The following PDGFD variants were observed in gnomAD, a reference collection of about 807,000 sequenced individuals.
PDGFD encodes the protein platelet derived growth factor D.
PDGFD carries 30 observed loss-of-function variants against 44.7 expected under a neutral mutation model. That is an observed-to-expected ratio of 0.67 (90% CI 0.50 to 0.91). The LOEUF is 0.91. Ranked by LOEUF, PDGFD falls within the 40% of genes least tolerant of loss-of-function variation. The pLI, the probability that PDGFD is intolerant of heterozygous loss-of-function variation, is 0.00. For synonymous variants in PDGFD, 173 were observed against 168.4 expected, an observed-to-expected ratio of 1.03 and a Z score of -0.21; for missense variants, 445 against 457.8, an observed-to-expected ratio of 0.97 and a Z score of 0.25.
At chr11:104,109,103 T>C (rs1484194662) in intron 1 of PDGFD, among the ~76,000 whole-genome samples, 2 of 151,258 alleles carry the variant, frequency 1.3e-5, no homozygotes, top group Non-Finnish European at 2.9e-5. Flanking sequence ...CTAATGTAAA[T>C]GATGAATTAA....
intron 4 of PDGFD, among the ~76,000 whole-genome samples, chr11:103,946,178 AC>A (rs1468299124): frequency 6.6e-6 from 1 of 152,228 alleles, no homozygotes; most frequent in African/African-American, 2.4e-5. Flanking sequence ...GAAATGCAAA[AC>A]CACTTTCAAC....
intron 3 of PDGFD, among the ~76,000 whole-genome samples, chr11:103,982,352 A>G (rs1391339136): frequency 6.6e-6 from 1 of 151,806 alleles, no homozygotes; most frequent in Non-Finnish European, 1.5e-5. Flanking sequence ...AAATATTTTG[A>G]GGCCTGCTGA....
intron 1 of PDGFD, among the ~76,000 whole-genome samples, chr11:104,047,101 T>C (rs1484780167): frequency 6.8e-6 from 1 of 147,368 alleles, no homozygotes; most frequent in East Asian, 2.0e-4. Flanking sequence ...TAGTATTCCA[T>C]GGTATATGTT....
At chr11:104,107,017 T>A (rs987893888) in intron 1 of PDGFD, among the ~76,000 whole-genome samples, 5 of 152,144 alleles carry the variant, frequency 3.3e-5, no homozygotes, top group African/African-American at 1.2e-4. Context: ...AGTGCTGGGA[T>A]TAGAGGCGTG....
chr11:104,162,421 A>C (rs922626166), intron 1 of PDGFD, among the ~76,000 whole-genome samples: 2 of 125,676 alleles, frequency 1.6e-5, no homozygotes, highest in African/African-American at 5.8e-5. Context: ...ACAAAAAACC[A>C]CACAGTTTGG....
At chr11:104,109,892 T>G (rs998125316) in intron 1 of PDGFD, among the ~76,000 whole-genome samples, 1 of 152,166 alleles carries the variant, frequency 6.6e-6, no homozygotes, top group Non-Finnish European at 1.5e-5. Context: ...CTGTGCTCAG[T>G]GCACCTCTCA....
rs377231376 is a variant in PDGFD, at chr11:103,939,567, C to T, written c.772+3885G>A. 2.1e-4 allele frequency among the ~76,000 whole-genome samples: 32 copies of T among 152,108 alleles called. 1 individual carries two copies. In the South Asian group the frequency reaches 6.2e-3, roughly 30 times the overall value. ...TTTATTTCCTTCTCCTGCCTGATTGCCCTGGAGGCATATGTTTTCAATGAA... is the reference window on the plus strand; with the variant it reads ...TTTATTTCCTTCTCCTGCCTGATTGTCCTGGAGGCATATGTTTTCAATGAA... On this transcript the variant is annotated intron_variant, in intron 5 of 6. Transcript: ENST00000393158.
chr11:103,946,041 T>G lies in PDGFD; in HGVS notation c.573+1621A>C, dbSNP rs76406663. Reference sequence around the variant, plus strand: ...TTTTTGAGAAAAAGAACTAATTTAATGTGTCTCCTTCAGCTGAACAGTAAA... The same window carrying G: ...TTTTTGAGAAAAAGAACTAATTTAAGGTGTCTCCTTCAGCTGAACAGTAAA... On this transcript the variant is annotated intron_variant, in intron 4 of 6. Coordinates refer to ENST00000393158, the MANE Select transcript of PDGFD (RefSeq NM_025208.5). The G allele has an allele frequency of 4.6e-5, 7 of 152,348 alleles. No homozygotes were observed. The East Asian group carries it at 1.3e-3, about 29-fold the overall frequency. The allele number at this position is 152,348 out of a possible 1,614,324, so 9.4% of individuals were successfully genotyped here. A position where few individuals can be genotyped will look rare whatever the true frequency, so the allele number is the denominator to read the frequency against.
chr11:104,074,440 T>C (rs2134423471), intron 1 of PDGFD, among the ~76,000 whole-genome samples: 1 of 152,330 alleles, frequency 6.6e-6, no homozygotes, highest in Non-Finnish European at 1.5e-5. Flanking sequence ...ATATCTAAAA[T>C]GTTGTGCTAT....
At chr11:103,977,331 A>G (rs896084419) in intron 3 of PDGFD, among the ~76,000 whole-genome samples, 1 of 152,160 alleles carries the variant, frequency 6.6e-6, no homozygotes, top group Non-Finnish European at 1.5e-5. Context: ...ACTCCTCCCT[A>G]ACTCATTTTA....
chr11:104,137,320 C>T (rs1471114488), intron 1 of PDGFD, among the ~76,000 whole-genome samples: 2 of 151,854 alleles, frequency 1.3e-5, no homozygotes, highest in Middle Eastern at 3.4e-3. Context: ...CTTGCTCTTC[C>T]GGAGCTTATC....
chr11:104,031,369 G>A (rs1208593135), intron 1 of PDGFD, among the ~76,000 whole-genome samples: 1 of 152,000 alleles, frequency 6.6e-6, no homozygotes, highest in Non-Finnish European at 1.5e-5. Flanking sequence ...ATATGCATGC[G>A]ACCAAAAAAC....
intron 5 of PDGFD, among the ~76,000 whole-genome samples, chr11:103,931,936 C>T (rs1865064633): frequency 6.6e-6 from 1 of 152,126 alleles, no homozygotes; most frequent in South Asian, 2.1e-4. Context: ...AATGAGCACT[C>T]AAAGTAGGGC....
chr11:104,094,682 A>T (rs1404427728), intron 1 of PDGFD, among the ~76,000 whole-genome samples: 1 of 152,114 alleles, frequency 6.6e-6, no homozygotes, highest in Non-Finnish European at 1.5e-5. Flanking sequence ...AAACACACAT[A>T]GTCAGTTTTT....
intron 3 of PDGFD, among the ~76,000 whole-genome samples, chr11:103,969,471 C>T (rs1267264956): frequency 1.8e-5 from 2 of 110,708 alleles, no homozygotes; most frequent in Non-Finnish European, 3.6e-5. Flanking sequence ...TACACCAAGC[C>T]TGGTTTTTTT....
chr11:104,079,754 T>C (rs984213318), intron 1 of PDGFD, among the ~76,000 whole-genome samples: 2 of 151,604 alleles, frequency 1.3e-5, no homozygotes, highest in East Asian at 1.9e-4. Flanking sequence ...CCAATACATC[T>C]ATAGTGATAC....
intron 1 of PDGFD, among the ~76,000 whole-genome samples, chr11:104,088,509 T>C (rs558650731): frequency 3.3e-5 from 5 of 152,296 alleles, no homozygotes; most frequent in Admixed American, 2.6e-4. Context: ...ACACACAACA[T>C]AAAAGCTTCC....
intron 3 of PDGFD, among the ~76,000 whole-genome samples, chr11:103,977,235 G>A (rs1258776211): frequency 6.6e-5 from 10 of 151,998 alleles, no homozygotes; most frequent in Admixed American, 6.6e-4. Flanking sequence ...AGGACCAGAT[G>A]GATTCACAGT....
At chr11:104,001,171 C>T (rs1043311096) in intron 1 of PDGFD, among the ~76,000 whole-genome samples, 1 of 152,188 alleles carries the variant, frequency 6.6e-6, no homozygotes, top group Non-Finnish European at 1.5e-5. Context: ...TGAGTCCACT[C>T]ATGTTGATAA....
Sources: allele counts gnomAD v4.1 joint callset (sites outside exome capture counted in the v4.1 genomes callset), GRCh38; gene constraint gnomAD v4.1.1; transcripts MANE v1.5; gene names NCBI Gene and HGNC (gene_info 2026-07-23, HGNC 2026-07-21).